Variants in ZMYM2 observed in about 807,000 individuals in gnomAD.
ZMYM2 encodes zinc finger MYM-type containing 2.
A neutral mutation model predicts 162.8 loss-of-function variants in ZMYM2; 56 were observed. That is an observed-to-expected ratio of 0.34 (90% CI 0.28 to 0.43). The LOEUF is 0.43. Among genes scored for constraint, ZMYM2 ranks in the 20% least tolerant of loss-of-function variants. ZMYM2 has a pLI of 1.00. For synonymous variants in ZMYM2, 510 were observed against 541.6 expected (o/e 0.94, Z 0.81); for missense variants, 1,275 against 1,621.8 (o/e 0.79, Z 3.67).
chr13:19,879,794 G>C, the ZMYM2 span, among the ~76,000 whole-genome samples: 1 of 152,172 alleles, frequency 6.6e-6, no homozygotes, highest in Admixed American at 6.6e-5. Context: ...AGGATGCCCA[G>C]ATAGCTGGTA....
chr13:19,963,962 A>C (rs1367382777), intron 2 of ZMYM2, among the ~76,000 whole-genome samples: 1 of 152,174 alleles, frequency 6.6e-6, no homozygotes, highest in Non-Finnish European at 1.5e-5. Context: ...AGAAGTAATA[A>C]ATTTTAAGAA....
At position 20,002,952 on chromosome 13, in the gene ZMYM2, C is replaced by A. The variant is rs555116535; in HGVS notation, c.950C>A (p.Pro317Gln). 2.7e-5 allele frequency: 44 copies of A among 1,614,116 alleles called. No individual in the cohort carries two copies. The South Asian group carries it at 4.8e-4, about 18-fold the overall frequency. The change falls in exon 4 of 25, where the codon CCG becomes CAG. Residue 317 changes from proline (P) to glutamine (Q), a missense_variant. Pro to Gln is a moderately conservative substitution (Grantham distance 76, BLOSUM62 -1). This residue lies in a region of ZMYM2 where 115 missense variants were observed against 175.3 expected (regional missense o/e 0.66). Transcript: ENST00000610343. ...TCACTTCCTAAACAGATTTTCCAGC[C>A]GTCTGTCCAACAGCAGCCTACTAAA... ...VASLPKQIFQ[P>Q]SVQQQPTKPV...
At chr13:19,885,957 A>ATGTGTGTG in the ZMYM2 span, among the ~76,000 whole-genome samples, 1 of 88,038 alleles carries the variant, frequency 1.1e-5, no homozygotes, top group Non-Finnish European at 2.7e-5. Context: ...ATATACACAT[A>ATGTGTGTG]TATATGTGTA....
At chr13:19,908,851 CAG>C in the ZMYM2 span, among the ~76,000 whole-genome samples, 1 of 152,136 alleles carries the variant, frequency 6.6e-6, no homozygotes, top group African/African-American at 2.4e-5. Flanking sequence ...ACTGACTACC[CAG>C]AGAGAATGTC....
intron 5 of ZMYM2, 137 bp from the exon 6 acceptor site, chr13:20,006,237 A>C: frequency 1.1e-6 from 1 of 882,492 alleles, no homozygotes; most frequent in Non-Finnish European, 1.5e-6. Context: ...GTCTTTAAAA[A>C]AAAAAAAAAA....
intron 2 of ZMYM2, among the ~76,000 whole-genome samples, chr13:19,960,569 G>A (rs539602307): frequency 6.6e-5 from 10 of 152,254 alleles, no homozygotes; most frequent in African/African-American, 2.4e-4. Flanking sequence ...AACTCCTCTA[G>A]TACTATCTTG....
intron 12 of ZMYM2, among the ~76,000 whole-genome samples, chr13:20,048,655 A>T (rs1955035938): frequency 6.6e-6 from 1 of 152,008 alleles, no homozygotes; most frequent in African/African-American, 2.4e-5. Context: ...ACTATCCAAG[A>T]CATGAAAGGG....
rs370963592 is a variant in ZMYM2 at position 20,002,811 on chromosome 13, C to G, written c.848-39C>G. 3.1e-6 allele frequency: 5 copies of G among 1,593,168 alleles called. No homozygotes were observed. In the African/African-American group the frequency reaches 6.8e-5, roughly 22 times the overall value. ...AAATTTTAATATGTATAAACAAACA[C>G]TTGTTTCATTATTCTTTCTTGTGCA... On this transcript the variant is annotated intron_variant, in intron 3 of 24. Transcript: ENST00000610343.
chr13:19,949,565 C>G, the ZMYM2 span, among the ~76,000 whole-genome samples: 8 of 151,858 alleles, frequency 5.3e-5, no homozygotes, highest in Non-Finnish European at 1.2e-4. Context: ...TGACTCCAGC[C>G]TAGGCAACAG....
the ZMYM2 span, among the ~76,000 whole-genome samples, chr13:19,885,910 T>TGTATACACAC: frequency 1.9e-4 from 14 of 74,094 alleles, 3 homozygotes; most frequent in Admixed American, 7.0e-4. Flanking sequence ...CATATATATG[T>TGTATACACAC]ATATACACAT....
chr13:19,989,175 A>G (rs1949410237), intron 2 of ZMYM2, among the ~76,000 whole-genome samples: 1 of 152,186 alleles, frequency 6.6e-6, no homozygotes, highest in South Asian at 2.1e-4. Flanking sequence ...TTTTTGGGAT[A>G]TGCATAACAT....
the ZMYM2 span, among the ~76,000 whole-genome samples, chr13:19,934,767 C>CTT: frequency 0.011 from 1,562 of 147,212 alleles, 54 homozygotes; most frequent in African/African-American, 0.038. Context: ...TTCTTTCTTT[C>CTT]TTTCTTTTTT....
At chr13:19,871,075 G>GA in the ZMYM2 span, among the ~76,000 whole-genome samples, 11 of 151,456 alleles carry the variant, frequency 7.3e-5, no homozygotes, top group Non-Finnish European at 1.3e-4. Flanking sequence ...GCAGAAAGGA[G>GA]AAAAAAAATA....
chr13:20,005,854 T>C (rs745442396), intron 5 of ZMYM2, among the ~76,000 whole-genome samples: 1 of 152,178 alleles, frequency 6.6e-6, no homozygotes. Context: ...CTAGAGAAGT[T>C]TGTAGTGATG....
intron 21 of ZMYM2, among the ~76,000 whole-genome samples, chr13:20,075,605 ACT>A (rs1224192672): frequency 6.7e-6 from 1 of 150,142 alleles, no homozygotes; most frequent in African/African-American, 2.5e-5. Flanking sequence ...TCTTTCATAC[ACT>A]GTTTTACATA....
chr13:20,086,173 A>G lies in ZMYM2; in HGVS notation c.*159A>G, dbSNP rs1958256799. The G allele has an allele frequency of 1.7e-6, 1 of 597,570 alleles. No individual in the cohort carries two copies. The highest frequency in any genetic ancestry group is 3.4e-5 in the Admixed American group (1 of 29,636). The allele number at this position is 597,570 out of a possible 1,614,324, so 37.0% of individuals were successfully genotyped here. A position where few individuals can be genotyped will look rare whatever the true frequency, so the allele number is the denominator to read the frequency against. ...ACCATGTAAATAATCTGTGAGTGAA[A>G]GTTGCCATTATTCTATGTAGTGGTT... On this transcript the variant is annotated 3_prime_UTR_variant, in exon 25 of 25. Transcript: ENST00000610343.
rs1470380914 is a variant in ZMYM2, at chr13:19,959,427, C to T, written c.-79-531C>T. ...TCGGCGCTGCGCTGCGCGGCTCTTG[C>T]TCCGCACGTATTGTTTGGCTGGGTC... On this transcript the variant is annotated intron_variant, in intron 1 of 24. Coordinates refer to ENST00000610343, the MANE Select transcript of ZMYM2 (RefSeq NM_197968.4). 2.6e-5 allele frequency among the ~76,000 whole-genome samples: 4 copies of T among 152,164 alleles called. No individual in the cohort carries two copies. The East Asian group carries it at 7.7e-4, about 29-fold the overall frequency.
chr13:20,032,695 A>G (rs1594478053), intron 10 of ZMYM2, among the ~76,000 whole-genome samples: 1 of 127,118 alleles, frequency 7.9e-6, no homozygotes, highest in Non-Finnish European at 1.5e-5. Context: ...TTCAACCTCC[A>G]CCTCCCAGGT....
intron 12 of ZMYM2, among the ~76,000 whole-genome samples, chr13:20,037,378 G>C (rs1953818674): frequency 6.6e-6 from 1 of 152,044 alleles, no homozygotes; most frequent in African/African-American, 2.4e-5. Context: ...ACCACGCCCA[G>C]CTAATTTTTA....
Sources: gnomAD v4.1 joint callset for allele counts (sites outside exome capture counted in the v4.1 genomes callset) on GRCh38, gnomAD v4.1.1 for gene constraint, gnomAD v4.1.1 regional missense constraint, MANE v1.5 for transcripts, NCBI Gene and HGNC (gene_info 2026-07-23, HGNC 2026-07-21) for gene names.